Variants in ARID5B observed in about 807,000 individuals in gnomAD.
The protein encoded by ARID5B is AT-rich interaction domain 5B.
Under a neutral mutation model 97.2 loss-of-function variants are expected in ARID5B, and 13 were observed. That is an observed-to-expected ratio of 0.13 (90% confidence interval 0.09 to 0.21). The LOEUF (loss-of-function observed/expected upper bound fraction) is 0.21. Ranked by LOEUF, ARID5B falls within the 10% of genes least tolerant of loss-of-function variation. The probability of loss-of-function intolerance (pLI) is 1.00; values close to 1 mark genes in which losing one functional copy is unlikely to be tolerated. For missense variants in ARID5B, 1,210 were observed against 1,465.3 expected, an observed-to-expected ratio of 0.83 and a Z score of 2.84; for synonymous variants, 556 against 570.3, an observed-to-expected ratio of 0.97 and a Z score of 0.36.
At chr10:62,025,781 G>A (rs1839412530) in intron 4 of ARID5B, among the ~76,000 whole-genome samples, 2 of 145,810 alleles carry the variant, frequency 1.4e-5, no homozygotes, top group Admixed American at 1.4e-4. Context: ...AAGCATGCCT[G>A]CTGACCAAGG....
intron 3 of ARID5B, among the ~76,000 whole-genome samples, chr10:61,994,264 T>TA (rs1838967144): frequency 1.3e-5 from 2 of 152,098 alleles, no homozygotes; most frequent in African/African-American, 2.4e-5. Flanking sequence ...AAGATTTTTT[T>TA]TAAAAAACTT....
chr10:61,978,895 A>C (rs1838738046), intron 3 of ARID5B, among the ~76,000 whole-genome samples: 2 of 152,244 alleles, frequency 1.3e-5, no homozygotes, highest in South Asian at 4.2e-4. Flanking sequence ...TTCCAACACT[A>C]TGTTGAATAG....
chr10:62,032,245 G>A (rs1257684475), intron 4 of ARID5B, among the ~76,000 whole-genome samples: 1 of 152,164 alleles, frequency 6.6e-6, no homozygotes, highest in Non-Finnish European at 1.5e-5. Flanking sequence ...CTTGAGCCCA[G>A]GAGTTCAAGG....
At chr10:61,950,512 T>A (rs933559531) in intron 3 of ARID5B, among the ~76,000 whole-genome samples, 1 of 151,984 alleles carries the variant, frequency 6.6e-6, no homozygotes. Context: ...TGCAAAAAAA[T>A]TTTAAAAATT....
intron 2 of ARID5B, among the ~76,000 whole-genome samples, chr10:61,908,376 T>A (rs183430789): frequency 1.1e-3 from 170 of 152,262 alleles, no homozygotes; most frequent in Middle Eastern, 3.4e-3. Flanking sequence ...CATCAGTAAA[T>A]TGTGCTGATA....
At chr10:62,063,680 C>CA (rs985484846) in intron 7 of ARID5B, among the ~76,000 whole-genome samples, 5 of 152,188 alleles carry the variant, frequency 3.3e-5, no homozygotes, top group African/African-American at 1.2e-4. Flanking sequence ...TGATTTCCTA[C>CA]AAAACAATAT....
At chr10:61,922,218 T>G (rs1412869766) in intron 2 of ARID5B, among the ~76,000 whole-genome samples, 1 of 152,194 alleles carries the variant, frequency 6.6e-6, no homozygotes, top group Non-Finnish European at 1.5e-5. Flanking sequence ...GGAAAGGGCA[T>G]TGTGTCTGGT....
chr10:62,040,108 T>G (rs1250069287), intron 4 of ARID5B, among the ~76,000 whole-genome samples: 1 of 152,176 alleles, frequency 6.6e-6, no homozygotes. Flanking sequence ...AAATAAATAA[T>G]TAGCTAGTTC....
At chr10:62,023,603 A>G (rs1044514135) in intron 4 of ARID5B, among the ~76,000 whole-genome samples, 4 of 152,238 alleles carry the variant, frequency 2.6e-5, no homozygotes, top group African/African-American at 9.6e-5. Flanking sequence ...CTGTCAAGTC[A>G]GAAACAACAG....
intron 4 of ARID5B, among the ~76,000 whole-genome samples, chr10:62,015,377 C>T (rs977224182): frequency 6.6e-6 from 1 of 152,224 alleles, no homozygotes; most frequent in South Asian, 2.1e-4. Flanking sequence ...TTTAGTGGAG[C>T]TGGGATTCAA....
At chr10:62,013,618 T>C (rs141527702) in intron 4 of ARID5B, among the ~76,000 whole-genome samples, 3 of 152,072 alleles carry the variant, frequency 2.0e-5, no homozygotes, top group African/African-American at 7.2e-5. Context: ...ACCATTCTAC[T>C]CTCTACTCCT....
In ARID5B at chr10:62,078,358, G is replaced by A. The variant is rs566734624; in HGVS notation, c.1200-7344G>A. Among the ~76,000 whole-genome samples, 6 of 152,278 alleles carry A rather than the reference G, an allele frequency of 3.9e-5. No individual in the cohort carries two copies. The East Asian group carries it at 1.2e-3, about 29-fold the overall frequency. ...AAAAAAAATAGCCACGTGCAGTGAC[G>A]CATACCTGTAGTCCCATCTATTCAG... On this transcript the variant is annotated intron_variant, in intron 8 of 9. Coordinates refer to ENST00000279873, the MANE Select transcript of ARID5B (RefSeq NM_032199.3).
intron 2 of ARID5B, among the ~76,000 whole-genome samples, chr10:61,936,845 C>CT (rs1564606843): frequency 5.5e-5 from 1 of 18,268 alleles, no homozygotes; most frequent in African/African-American, 1.9e-4. Context: ...TTTTTTCTTC[C>CT]CCAAAAAAAA....
chr10:62,028,061 A>G (rs1373298399), intron 4 of ARID5B, among the ~76,000 whole-genome samples: 1 of 152,202 alleles, frequency 6.6e-6, no homozygotes, highest in Non-Finnish European at 1.5e-5. Flanking sequence ...AGTTAACTCT[A>G]AGTCACAGAA....
chr10:61,985,169 A>T (rs934287939), intron 3 of ARID5B, among the ~76,000 whole-genome samples: 7 of 151,922 alleles, frequency 4.6e-5, no homozygotes, highest in Non-Finnish European at 1.0e-4. Context: ...TTTGCTACCA[A>T]GATTCTGCCT....
intron 4 of ARID5B, among the ~76,000 whole-genome samples, chr10:62,018,664 T>C (rs1187384324): frequency 6.7e-6 from 1 of 148,938 alleles, no homozygotes; most frequent in Non-Finnish European, 1.5e-5. Context: ...TTTGTGGGTG[T>C]TCAGATACAA....
chr10:62,084,462 A>C (rs939493173), intron 8 of ARID5B, among the ~76,000 whole-genome samples: 2 of 152,238 alleles, frequency 1.3e-5, no homozygotes, highest in African/African-American at 4.8e-5. Flanking sequence ...GATCCCCAAT[A>C]TTTGAACAGA....
intron 4 of ARID5B, among the ~76,000 whole-genome samples, chr10:62,045,075 AT>A (rs1171325272): frequency 1.3e-5 from 2 of 152,196 alleles, no homozygotes; most frequent in Non-Finnish European, 2.9e-5. Flanking sequence ...TTATTTATGA[AT>A]TTTTAAATAT....
chr10:62,019,608 T>A (rs1305666531), intron 4 of ARID5B, among the ~76,000 whole-genome samples: 4 of 152,242 alleles, frequency 2.6e-5, no homozygotes, highest in Non-Finnish European at 5.9e-5. Flanking sequence ...AGTATTATTA[T>A]GTATCCCATG....
Sources: gnomAD v4.1 joint callset for allele counts (sites outside exome capture counted in the v4.1 genomes callset) on GRCh38, gnomAD v4.1.1 for gene constraint, MANE v1.5 for transcripts, NCBI Gene and HGNC (gene_info 2026-07-23, HGNC 2026-07-21) for gene names.